SNX29: variants seen among roughly 807,000 people sequenced by gnomAD.
SNX29 encodes the protein sorting nexin-29.
In SNX29, 78 loss-of-function variants were observed where a neutral mutation model predicts 102.1. That is an observed-to-expected ratio of 0.76 (90% confidence interval 0.64 to 0.92). The LOEUF is 0.92. Ranked by LOEUF, SNX29 falls within the 40% of genes least tolerant of loss-of-function variation. SNX29 has a pLI of 0.00. For synonymous variants in SNX29, 580 were observed against 414.5 expected (o/e 1.40, Z -4.85); for missense variants, 1,280 against 1,061.7 (o/e 1.21, Z -2.86).
intron 14 of SNX29, among the ~76,000 whole-genome samples, chr16:12,206,814 G>GTTTTTTTTTTTT (rs71139583): frequency 8.2e-6 from 1 of 121,636 alleles, no homozygotes. Flanking sequence ...GAATGAGGTG[G>GTTTTTTTTTTTT]TTTTTTTTTT....
intron 13 of SNX29, among the ~76,000 whole-genome samples, chr16:12,174,688 T>C (rs1240833337): frequency 6.6e-6 from 1 of 152,192 alleles, no homozygotes; most frequent in African/African-American, 2.4e-5. Context: ...AGGGAATAGG[T>C]TTATTTTCCA....
chr16:12,238,880 T>C (rs1413776039), intron 14 of SNX29, among the ~76,000 whole-genome samples: 1 of 152,240 alleles, frequency 6.6e-6, no homozygotes, highest in Non-Finnish European at 1.5e-5. Context: ...CATCCTTAGC[T>C]GTGGCTCTTA....
chr16:12,415,488 G>C (rs898470354), intron 18 of SNX29, among the ~76,000 whole-genome samples: 4 of 152,238 alleles, frequency 2.6e-5, no homozygotes, highest in African/African-American at 9.6e-5. Flanking sequence ...TGCCTGGACA[G>C]AGTATAAACT....
chr16:12,220,970 T>A (rs2077460259), intron 14 of SNX29, among the ~76,000 whole-genome samples: 1 of 152,210 alleles, frequency 6.6e-6, no homozygotes, highest in Admixed American at 6.5e-5. Context: ...TGAATAAATA[T>A]GTGCTGTACA....
At chr16:12,444,255 C>T (rs532953055) in intron 18 of SNX29, among the ~76,000 whole-genome samples, 3 of 149,970 alleles carry the variant, frequency 2.0e-5, no homozygotes, top group African/African-American at 7.3e-5. Context: ...TAGCACCGAG[C>T]ACGTAGTAAG....
chr16:12,102,457 T>C (rs1361261560), intron 11 of SNX29, among the ~76,000 whole-genome samples: 1 of 152,256 alleles, frequency 6.6e-6, no homozygotes, highest in Non-Finnish European at 1.5e-5. Flanking sequence ...ATGATCGCCA[T>C]TCTAACTGGC....
At chr16:12,063,899 G>T (rs2050899387) in intron 9 of SNX29, among the ~76,000 whole-genome samples, 1 of 152,004 alleles carries the variant, frequency 6.6e-6, no homozygotes, top group Non-Finnish European at 1.5e-5. Flanking sequence ...AAGGTTACGG[G>T]GTTGGTGACC....
intron 18 of SNX29, among the ~76,000 whole-genome samples, chr16:12,476,413 CAT>C (rs61390803): frequency 0.026 from 507 of 19,492 alleles, 17 homozygotes; most frequent in East Asian, 0.094. Context: ...TATATATATA[CAT>C]ATATATATAT....
chr16:12,545,970 T>C (rs1285318567), intron 20 of SNX29, among the ~76,000 whole-genome samples: 3 of 152,166 alleles, frequency 2.0e-5, no homozygotes, highest in Non-Finnish European at 4.4e-5. Flanking sequence ...GGATGTGTGC[T>C]TCAGTGGGCA....
chr16:12,139,982 A>G (rs1222638969), intron 13 of SNX29, among the ~76,000 whole-genome samples: 10 of 147,722 alleles, frequency 6.8e-5, no homozygotes, highest in African/African-American at 1.2e-4. Context: ...CCCTGTCTCA[A>G]AAAAAAAAAA....
intron 19 of SNX29, among the ~76,000 whole-genome samples, chr16:12,511,619 C>T (rs542957230): frequency 3.3e-5 from 5 of 152,276 alleles, no homozygotes; most frequent in South Asian, 4.1e-4. Context: ...TTAGGCACAT[C>T]GTCATTGTAG....
In SNX29 at chr16:12,574,160, T is replaced by C. The variant is rs1282795028; in HGVS notation, c.*5531T>C. On this transcript the variant is annotated 3_prime_UTR_variant, in exon 21 of 21. Coordinates refer to ENST00000566228, the MANE Select transcript of SNX29 (RefSeq NM_032167.5). ...GGATTTTTAAACAAATGTGTTTAAT[T>C]TTTTAAGATCTCTTGTATTAAAATT... The C allele has an allele frequency of 1.1e-5, 2 of 181,036 alleles. No homozygotes were observed. Among genetic ancestry groups the C allele is most frequent in the Admixed American group, 6.3e-5 (1 of 15,920 alleles). The allele number at this position is 181,036 out of a possible 1,614,324, so 11.2% of individuals were successfully genotyped here.
intron 18 of SNX29, among the ~76,000 whole-genome samples, chr16:12,405,179 G>C (rs968729803): frequency 4.6e-5 from 7 of 152,198 alleles, no homozygotes; most frequent in African/African-American, 1.4e-4. Context: ...AAAAAGTACA[G>C]CAGACAGCTC....
intron 20 of SNX29, among the ~76,000 whole-genome samples, chr16:12,533,667 A>T (rs977474753): frequency 6.6e-6 from 1 of 152,182 alleles, no homozygotes; most frequent in Non-Finnish European, 1.5e-5. Context: ...CAGCATCAAT[A>T]GGCACCCCAA....
intron 15 of SNX29, among the ~76,000 whole-genome samples, chr16:12,350,640 C>T (rs1247679993): frequency 6.6e-6 from 1 of 152,120 alleles, no homozygotes; most frequent in African/African-American, 2.4e-5. Context: ...CTGCAACGTC[C>T]CCGTTTTACA....
At chr16:12,539,369 CTT>C (rs973890726) in intron 20 of SNX29, among the ~76,000 whole-genome samples, 5 of 152,050 alleles carry the variant, frequency 3.3e-5, no homozygotes, top group African/African-American at 7.3e-5. Flanking sequence ...TAAGCAACCT[CTT>C]GAGGCTGGCG....
intron 8 of SNX29, among the ~76,000 whole-genome samples, chr16:12,059,506 T>C (rs1306144617): frequency 3.3e-5 from 5 of 152,254 alleles, no homozygotes; most frequent in Non-Finnish European, 2.9e-5. Context: ...TTGAATGATC[T>C]GTCTTGCAAA....
At chr16:12,561,076 GTCAGCATAGT>G in intron 20 of SNX29, 1 of 225,168 alleles carries the variant, frequency 4.4e-6, no homozygotes, top group Non-Finnish European at 8.9e-6. Context: ...CTTGATGGAT[GTCAGCATAGT>G]TCACAGTGGA....
chr16:12,540,320 C>G (rs892364395), intron 20 of SNX29, among the ~76,000 whole-genome samples: 2 of 152,138 alleles, frequency 1.3e-5, no homozygotes, highest in African/African-American at 4.8e-5. Context: ...CTCTTGGGAC[C>G]ACAGCTCTTA....
Sources: gnomAD v4.1 joint callset for allele counts (sites outside exome capture counted in the v4.1 genomes callset) on GRCh38, gnomAD v4.1.1 for gene constraint, MANE v1.5 for transcripts, NCBI Gene and HGNC (gene_info 2026-07-23, HGNC 2026-07-21) for gene names.